Variants in PAQR5 observed in about 807,000 individuals in gnomAD.
PAQR5 encodes progestin and adipoQ receptor family member 5, also known as membrane progestin receptor gamma.
Under a neutral mutation model 34.5 loss-of-function variants are expected in PAQR5, and 20 were observed. The observed-to-expected ratio is 0.58, with a 90% CI of 0.41 to 0.84. The LOEUF is 0.84. Among genes scored for constraint, PAQR5 ranks in the 40% least tolerant of loss-of-function variants. The pLI, the probability that PAQR5 is intolerant of heterozygous loss-of-function variation, is 0.00. For missense variants in PAQR5, 378 were observed against 412.7 expected (o/e 0.92, Z 0.73); for synonymous variants, 131 against 155.6 (o/e 0.84, Z 1.18).
At position 69,390,344 on chromosome 15, in the gene PAQR5, A is replaced by ATTTTAT. The variant is rs201375546; in HGVS notation, c.512+567_512+568insTATTTT. ...TTTTTATTTATTTATTTATTTATTT[A>ATTTTAT]TTTATTTATTTATTTATTTTTTTGA... On this transcript the variant is annotated intron_variant, in intron 6 of 8. Coordinates refer to ENST00000395407, the MANE Select transcript of PAQR5 (RefSeq NM_017705.4). Among the ~76,000 whole-genome samples, 371 of 118,984 alleles carry ATTTTAT rather than the reference A, an allele frequency of 3.1e-3. 8 individuals are homozygous for ATTTTAT. The highest frequency in any genetic ancestry group is 4.5e-3 in the Non-Finnish European group (242 of 53,280). The allele number at this position is 118,984 out of a possible 152,430, so 78.1% of individuals were successfully genotyped here.
At chr15:69,379,762 G>C in intron 3 of PAQR5, 121 bp from the exon 4 acceptor site, 1 of 1,330,134 alleles carries the variant, frequency 7.5e-7, no homozygotes, top group Non-Finnish European at 1.0e-6. Context: ...CAGCTTAACA[G>C]GTTAAGGACT....
At chr15:69,361,982 G>T (rs1251306974) in intron 3 of PAQR5, among the ~76,000 whole-genome samples, 2 of 152,050 alleles carry the variant, frequency 1.3e-5, no homozygotes, top group Non-Finnish European at 2.9e-5. Context: ...GGAGCGTCTT[G>T]GGGGTAGAGG....
intron 3 of PAQR5, among the ~76,000 whole-genome samples, chr15:69,364,348 C>A (rs1266278142): frequency 6.6e-6 from 1 of 151,074 alleles, no homozygotes; most frequent in Non-Finnish European, 1.5e-5. Context: ...GTGGGTCACA[C>A]CTGTAATCCT....
intron 1 of PAQR5, among the ~76,000 whole-genome samples, chr15:69,324,129 CA>C (rs55634756): frequency 1.6e-3 from 216 of 135,418 alleles, no homozygotes; most frequent in African/African-American, 3.5e-3. Flanking sequence ...ATAGCTAGGG[CA>C]AAAAAAAAAA....
At chr15:69,371,342 A>C (rs756277215) in intron 3 of PAQR5, among the ~76,000 whole-genome samples, 57 of 152,118 alleles carry the variant, frequency 3.7e-4, no homozygotes, top group Non-Finnish European at 7.2e-4. Flanking sequence ...TTTCATATGA[A>C]GTTCAAACAT....
At chr15:69,398,520 C>G (rs549968582) in intron 7 of PAQR5, among the ~76,000 whole-genome samples, 11 of 152,252 alleles carry the variant, frequency 7.2e-5, no homozygotes, top group African/African-American at 1.7e-4. Flanking sequence ...GTGAAGCTCC[C>G]TCCTAGAGGC....
intron 1 of PAQR5, among the ~76,000 whole-genome samples, chr15:69,330,156 C>T (rs1344850778): frequency 6.6e-6 from 1 of 152,182 alleles, no homozygotes; most frequent in African/African-American, 2.4e-5. Context: ...CAAGCTTAGG[C>T]AGTCCAGGGT....
intron 1 of PAQR5, among the ~76,000 whole-genome samples, chr15:69,326,232 C>G (rs539205441): frequency 5.9e-5 from 9 of 152,110 alleles, no homozygotes; most frequent in Admixed American, 2.0e-4. Context: ...ATCACCAGGG[C>G]TCCAAACTCC....
intron 6 of PAQR5, among the ~76,000 whole-genome samples, chr15:69,390,179 C>A (rs1478552651): frequency 6.6e-6 from 1 of 152,044 alleles, no homozygotes; most frequent in African/African-American, 2.4e-5. Context: ...TCACGCCCAG[C>A]TAATTTTTGT....
Position 69,308,890 on chromosome 15 carries a change from G to A in PAQR5, c.-277+9834G>A, listed in dbSNP as rs1364159262. Reference sequence around the variant, plus strand: ...AAGCAGTGGTGAAGGTGGGAGAGAAGGGTCAGATTCTAGGGATCTTCCAGA... The same window carrying A: ...AAGCAGTGGTGAAGGTGGGAGAGAAAGGTCAGATTCTAGGGATCTTCCAGA... On this transcript the variant is annotated intron_variant, in intron 1 of 8. Transcript: ENST00000395407. Among the ~76,000 whole-genome samples the A allele has an allele frequency of 2.0e-5, 3 of 152,044 alleles. No homozygotes were observed. In the East Asian group the frequency reaches 5.8e-4, roughly 30 times the overall value.
chr15:69,302,492 G>A (rs1451566790), intron 1 of PAQR5, among the ~76,000 whole-genome samples: 2 of 152,182 alleles, frequency 1.3e-5, no homozygotes, highest in Non-Finnish European at 2.9e-5. Flanking sequence ...TGTAGTTGGA[G>A]GTGGCCAGTG....
intron 6 of PAQR5, chr15:69,396,952 G>A (rs948947873): frequency 1.5e-5 from 5 of 335,636 alleles, no homozygotes; most frequent in Non-Finnish European, 2.3e-5. Context: ...ATCCCTGTGT[G>A]TGGTATAAAT....
rs1202173284 is a variant in PAQR5 at position 69,300,877 on chromosome 15, CT to C, written c.-277+1824del. On this transcript the variant is annotated intron_variant, in intron 1 of 8. Coordinates refer to ENST00000395407, the MANE Select transcript of PAQR5 (RefSeq NM_017705.4). ...TCTTTCTTTCTTTCTTTCTTTCTTT[CT>C]TTCTTTCTTTCTTTCTTCCTTCCTT... is the stretch of plus-strand genomic sequence containing the variant. Among the ~76,000 whole-genome samples, 26 of 27,794 alleles carry C rather than the reference CT, an allele frequency of 9.4e-4. 6 individuals carry two copies. Among genetic ancestry groups the C allele is most frequent in the South Asian group, 3.5e-3 (2 of 568 alleles). The allele number at this position is 27,794 out of a possible 152,430, so 18.2% of individuals were successfully genotyped here. A position where few individuals can be genotyped will look rare whatever the true frequency, so the allele number is the denominator to read the frequency against.
intron 3 of PAQR5, among the ~76,000 whole-genome samples, chr15:69,367,354 T>G (rs1046078697): frequency 1.3e-5 from 2 of 152,214 alleles, no homozygotes; most frequent in East Asian, 3.8e-4. Context: ...TGGATTAGTT[T>G]AGTGGTCACT....
intron 6 of PAQR5, among the ~76,000 whole-genome samples, chr15:69,392,587 C>T (rs367988102): frequency 1.3e-5 from 2 of 152,264 alleles, no homozygotes; most frequent in African/African-American, 2.4e-5. Context: ...CAGAAGGATG[C>T]CCTTGCCTTC....
intron 1 of PAQR5, among the ~76,000 whole-genome samples, chr15:69,306,800 T>C (rs2053727800): frequency 6.6e-6 from 1 of 152,144 alleles, no homozygotes; most frequent in Non-Finnish European, 1.5e-5. Flanking sequence ...CTTTTTATCA[T>C]CTCCCAGATG....
chr15:69,389,578 T>C, intron 5 of PAQR5, 76 bp from the exon 6 acceptor site: 1 of 1,587,606 alleles, frequency 6.3e-7, no homozygotes, highest in Non-Finnish European at 8.6e-7. Context: ...AGCCAGATGC[T>C]GGGGACAGTC....
intron 2 of PAQR5, among the ~76,000 whole-genome samples, chr15:69,351,288 C>G (rs762052690): frequency 2.0e-5 from 3 of 152,258 alleles, no homozygotes; most frequent in Non-Finnish European, 4.4e-5. Flanking sequence ...TACCACATCC[C>G]CATTCGGCTT....
At chr15:69,317,271 C>T (rs1041933550) in intron 1 of PAQR5, among the ~76,000 whole-genome samples, 5 of 152,230 alleles carry the variant, frequency 3.3e-5, no homozygotes. Flanking sequence ...GCCATACACA[C>T]CAGGGGGAGT....
Sources: gnomAD v4.1 joint callset for allele counts (sites outside exome capture counted in the v4.1 genomes callset) on GRCh38, gnomAD v4.1.1 for gene constraint, MANE v1.5 for transcripts, NCBI Gene and HGNC (gene_info 2026-07-23, HGNC 2026-07-21) for gene names.